LYN: variants seen among roughly 807,000 people sequenced by gnomAD.
LYN encodes the protein LYN proto-oncogene, Src family tyrosine kinase, also known as tyrosine-protein kinase Lyn.
Under a neutral mutation model 65.0 loss-of-function variants are expected in LYN, and 12 were observed. The observed-to-expected ratio is 0.18, with a 90% CI of 0.12 to 0.30. The LOEUF (loss-of-function observed/expected upper bound fraction) is 0.30. Ranked by LOEUF, LYN falls within the 10% of genes least tolerant of loss-of-function variation. The pLI is 1.00. For synonymous variants in LYN, 222 were observed against 221.2 expected (o/e 1.00, Z -0.03); for missense variants, 380 against 623.2 (o/e 0.61, Z 4.16).
rs373924067 is a variant in LYN at position 55,992,243 on chromosome 8, G to A, written c.1051-6103G>A. 1.7e-4 allele frequency among the ~76,000 whole-genome samples: 26 copies of A among 152,254 alleles called. No individual in the cohort carries two copies. In the East Asian group the frequency reaches 3.3e-3, roughly 19 times the overall value. ...CTCCTCATTTGGTTTAGAACCAAAA[G>A]ATTTTATCGGTTTCCCAAGCTCTGT... On this transcript the variant is annotated intron_variant, in intron 10 of 12. Transcript: ENST00000519728.
At chr8:56,007,546 T>G (rs967767638) in intron 12 of LYN, among the ~76,000 whole-genome samples, 1 of 152,238 alleles carries the variant, frequency 6.6e-6, no homozygotes, top group Non-Finnish European at 1.5e-5. Flanking sequence ...AAAGTTTGCT[T>G]AGATCTTTCA....
chr8:55,975,871 T>C (rs904335090), intron 10 of LYN, among the ~76,000 whole-genome samples: 1 of 152,038 alleles, frequency 6.6e-6, no homozygotes, highest in Non-Finnish European at 1.5e-5. Context: ...CATGACTGGC[T>C]GTTAAAATAG....
intron 1 of LYN, among the ~76,000 whole-genome samples, chr8:55,936,226 C>T (rs1183798382): frequency 1.3e-5 from 2 of 152,208 alleles, no homozygotes; most frequent in East Asian, 1.9e-4. Flanking sequence ...CACCACCCAC[C>T]TCTATTTCCC....
At chr8:55,926,759 T>C (rs889566328) in intron 1 of LYN, among the ~76,000 whole-genome samples, 1 of 152,218 alleles carries the variant, frequency 6.6e-6, no homozygotes, top group Non-Finnish European at 1.5e-5. Context: ...AAATGGAGGA[T>C]CCCTTTTCAG....
chr8:55,988,966 T>C (rs1023729881), intron 10 of LYN, among the ~76,000 whole-genome samples: 2 of 151,962 alleles, frequency 1.3e-5, no homozygotes, highest in African/African-American at 4.8e-5. Context: ...CGATAGTAAT[T>C]AGGATGAACA....
Position 56,010,709 on chromosome 8 carries a change from A to G in LYN, c.*599A>G, listed in dbSNP as rs150240132. 33 of 228,004 alleles carry G rather than the reference A, an allele frequency of 1.4e-4. No individual in the cohort carries two copies. The highest frequency in any genetic ancestry group is 1.3e-3 in the Middle Eastern group (1 of 750). 14.1% of individuals were successfully genotyped at this position (228,004 alleles called of 1,614,324 possible). On this transcript the variant is annotated 3_prime_UTR_variant, in exon 13 of 13. Transcript: ENST00000519728. ...GAGACTGTTAAAACATTTTTCTTCT[A>G]TGAACACTGCTCAGACCTGCTAGAC...
chr8:55,953,900 G>A lies in LYN; in HGVS notation c.706G>A (p.Asp236Asn), dbSNP rs866107007. Reference protein sequence around the residue: ...CISPKPQKPWDKDAWEIPRES... With the variant: ...CISPKPQKPWNKDAWEIPRES... Reference sequence around the variant, plus strand: ...TAGTCCCAAGCCACAGAAGCCATGGGATAAAGATGCCTGGGAGATCCCCCG... The same window carrying A: ...TAGTCCCAAGCCACAGAAGCCATGGAATAAAGATGCCTGGGAGATCCCCCG... The change falls in exon 8 of 13, where the codon GAT (aspartate) becomes AAT (asparagine). Residue 236 changes from aspartate to asparagine, a missense_variant. Transcript: ENST00000519728. The A allele has an allele frequency of 6.2e-7, 1 of 1,614,156 alleles. No individual in the cohort carries two copies. Among genetic ancestry groups the A allele is most frequent in the Non-Finnish European group, 8.5e-7 (1 of 1,180,018 alleles).
intron 10 of LYN, among the ~76,000 whole-genome samples, chr8:55,973,597 A>G (rs2719233): frequency 0.14 from 21,671 of 152,266 alleles, 2,082 homozygotes; most frequent in Middle Eastern, 0.24. Flanking sequence ...CTGAGATGGA[A>G]TCATAGACAT....
intron 1 of LYN, among the ~76,000 whole-genome samples, chr8:55,914,011 CAG>C (rs888276305): frequency 3.9e-5 from 6 of 151,924 alleles, no homozygotes; most frequent in African/African-American, 7.3e-5. Flanking sequence ...AGTGAGGAAA[CAG>C]GGGAGAGATG....
chr8:56,001,613 A>C (rs977901204), intron 12 of LYN, among the ~76,000 whole-genome samples: 1 of 152,210 alleles, frequency 6.6e-6, no homozygotes, highest in Non-Finnish European at 1.5e-5. Context: ...CACTGAGATT[A>C]ATGAATTAAC....
At chr8:55,897,749 A>G (rs1464539209) in intron 1 of LYN, among the ~76,000 whole-genome samples, 1 of 152,010 alleles carries the variant, frequency 6.6e-6, no homozygotes, top group African/African-American at 2.4e-5. Flanking sequence ...TCATCTCTAT[A>G]GGAAATTAAA....
At chr8:55,920,576 G>C (rs1310884424) in intron 1 of LYN, among the ~76,000 whole-genome samples, 3 of 152,176 alleles carry the variant, frequency 2.0e-5, no homozygotes, top group Non-Finnish European at 4.4e-5. Context: ...GAAGTTTAAT[G>C]AAGTAACTTG....
At chr8:55,890,050 G>A (rs1585564843) in intron 1 of LYN, among the ~76,000 whole-genome samples, 2 of 147,310 alleles carry the variant, frequency 1.4e-5, no homozygotes, top group East Asian at 4.1e-4. Context: ...CCTGAGACAG[G>A]TGGATTGCTT....
chr8:55,974,733 C>T (rs112429473), intron 10 of LYN, among the ~76,000 whole-genome samples: 27 of 152,300 alleles, frequency 1.8e-4, no homozygotes, highest in African/African-American at 6.5e-4. Flanking sequence ...GTTAGACGCT[C>T]ATATTCCACC....
chr8:56,011,079 T>C lies in LYN; in HGVS notation c.*969T>C, dbSNP rs1194120925. ...GTTAAAGATCAAGTATTAATTTTAG[T>C]TGTACTCTAGAAAGCTAAAGTGCCA... is the stretch of plus-strand genomic sequence containing the variant. On this transcript the variant is annotated 3_prime_UTR_variant, in exon 13 of 13. Coordinates refer to ENST00000519728, the MANE Select transcript of LYN (RefSeq NM_002350.4). 2 of 231,094 alleles carry C rather than the reference T, an allele frequency of 8.7e-6. No individual in the cohort carries two copies. Among genetic ancestry groups the C allele is most frequent in the Non-Finnish European group, 1.7e-5 (2 of 116,866 alleles). The allele number at this position is 231,094 out of a possible 1,614,324, so 14.3% of individuals were successfully genotyped here.
At chr8:55,914,439 T>C (rs1405730203) in intron 1 of LYN, among the ~76,000 whole-genome samples, 2 of 152,246 alleles carry the variant, frequency 1.3e-5, no homozygotes, top group Non-Finnish European at 2.9e-5. Flanking sequence ...AAGGCACTTA[T>C]TTGCTCATGT....
At chr8:55,972,980 GGGTGGT>G (rs1171799126) in intron 10 of LYN, among the ~76,000 whole-genome samples, 1 of 152,174 alleles carries the variant, frequency 6.6e-6, no homozygotes, top group Non-Finnish European at 1.5e-5. Flanking sequence ...TGTTCACAAG[GGGTGGT>G]TAAATTCAGC....
At chr8:55,893,014 G>C (rs1347779651) in intron 1 of LYN, among the ~76,000 whole-genome samples, 1 of 152,122 alleles carries the variant, frequency 6.6e-6, no homozygotes, top group Non-Finnish European at 1.5e-5. Context: ...AAACAATAAA[G>C]TGTAGGGAAT....
At chr8:55,995,980 G>A (rs1250451200) in intron 10 of LYN, among the ~76,000 whole-genome samples, 1 of 152,138 alleles carries the variant, frequency 6.6e-6, no homozygotes, top group African/African-American at 2.4e-5. Flanking sequence ...ATAGTATTCT[G>A]GTCATGTGAA....
Sources: allele counts gnomAD v4.1 joint callset (sites outside exome capture counted in the v4.1 genomes callset), GRCh38; gene constraint gnomAD v4.1.1; transcripts MANE v1.5; gene names NCBI Gene and HGNC (gene_info 2026-07-23, HGNC 2026-07-21).